The following PIN4 variants were observed in gnomAD, a reference collection of about 807,000 sequenced individuals.
PIN4 encodes peptidyl-prolyl cis-trans isomerase NIMA-interacting 4.
Under a neutral mutation model 8.3 loss-of-function variants are expected in PIN4, and 3 were observed. The observed-to-expected ratio is 0.36, with a 90% CI of 0.16 to 0.93. The LOEUF is 0.93. Among genes scored for constraint, PIN4 ranks in the 40% least tolerant of loss-of-function variants. The probability of loss-of-function intolerance (pLI) is 0.44; values close to 1 mark genes in which losing one functional copy is unlikely to be tolerated. For synonymous variants in PIN4, 18 were observed against 32.5 expected (o/e 0.55, Z 1.52); for missense variants, 75 against 100.6 (o/e 0.75, Z 1.09).
chrX:72,248,283 T>G, intron 3 of PIN4, among the ~76,000 whole-genome samples: 1 of 74,022 alleles, frequency 1.4e-5, no homozygotes, highest in African/African-American at 5.4e-5. Context: ...CATAGCTTGC[T>G]CCATCCAGAA....
intron 3 of PIN4, among the ~76,000 whole-genome samples, chrX:72,224,177 C>T (rs182725704): frequency 1.2e-4 from 13 of 111,550 alleles, no homozygotes; most frequent in Admixed American, 3.8e-4. Context: ...TCAGTATTAA[C>T]TGAATATCAA....
intron 3 of PIN4, chrX:72,207,826 GA>G: frequency 8.3e-7 from 1 of 1,207,593 alleles, no homozygotes; most frequent in South Asian, 1.8e-5. Flanking sequence ...TAAGTTTTCA[GA>G]TATTTTAAAT....
chrX:72,205,391 A>G, intron 3 of PIN4: 1 of 1,211,940 alleles, frequency 8.3e-7, no homozygotes, highest in Non-Finnish European at 1.1e-6. Flanking sequence ...TCTTCTGGAT[A>G]ATCTTCAGGA....
intron 3 of PIN4, among the ~76,000 whole-genome samples, chrX:72,235,341 C>T (rs1162518154): frequency 9.2e-6 from 1 of 108,479 alleles, no homozygotes; most frequent in African/African-American, 3.4e-5. Context: ...AGGTTGAATC[C>T]TTCTCACACT....
At chrX:72,243,333 AG>A (rs971692317) in intron 3 of PIN4, among the ~76,000 whole-genome samples, 13 of 111,569 alleles carry the variant, frequency 1.2e-4, no homozygotes, top group African/African-American at 3.9e-4. Context: ...AAACAAAAAA[AG>A]CTCTCCCTAA....
intron 3 of PIN4, among the ~76,000 whole-genome samples, chrX:72,259,380 G>A (rs1468243421): frequency 9.2e-6 from 1 of 109,124 alleles, no homozygotes; most frequent in Non-Finnish European, 1.9e-5. Context: ...CACCATGCCC[G>A]GCTAATTTTT....
At chrX:72,185,384 G>A (rs1469389688) in intron 1 of PIN4, among the ~76,000 whole-genome samples, 4 of 110,545 alleles carry the variant, frequency 3.6e-5, no homozygotes, top group African/African-American at 6.6e-5. Context: ...TGGCTAACCA[G>A]CTCCTACTCA....
At position 72,208,121 on chromosome X, in the gene PIN4, T is replaced by C. The variant is rs2042831275; in HGVS notation, c.312+11217T>C. ...TAGTCCCACACAAACTCTTGGCCCC[T>C]AAAGCTTGAAAGTTGCTGCCAGTTA... On this transcript the variant is annotated intron_variant, in intron 3 of 3. Coordinates refer to the PIN4 transcript ENST00000423432. 1.2e-5 allele frequency: 14 copies of C among 1,211,837 alleles called. No individual in the cohort carries two copies. The East Asian group carries it at 4.1e-4, about 36-fold the overall frequency.
Position 72,237,587 on chromosome X carries a change from G to C in PIN4, c.313-25120G>C, listed in dbSNP as rs1438453620. On this transcript the variant is annotated intron_variant, in intron 3 of 3. Transcript: ENST00000423432. ...CACTCCAGCCTGGGTGACAGAGCGA[G>C]ACTGTATCAAAAAAAGAAAAAAAAA... Among the ~76,000 whole-genome samples the C allele has an allele frequency of 3.0e-5, 3 of 99,631 alleles. No individual in the cohort carries two copies. The Admixed American group carries it at 3.3e-4, about 11-fold the overall frequency. The allele number at this position is 99,631 out of a possible 115,157, so 86.5% of individuals were successfully genotyped here.
chrX:72,224,873 C>T (rs766000692), intron 3 of PIN4, among the ~76,000 whole-genome samples: 23 of 111,266 alleles, frequency 2.1e-4, no homozygotes, highest in Non-Finnish European at 3.6e-4. Flanking sequence ...GGATCCTAAG[C>T]GCTACACAGT....
At chrX:72,210,539 C>G (rs2147585772) in intron 3 of PIN4, among the ~76,000 whole-genome samples, 1 of 111,602 alleles carries the variant, frequency 9.0e-6, no homozygotes, top group South Asian at 3.8e-4. Context: ...TGGTAACCTA[C>G]CCAGTATCCT....
At chrX:72,204,510 G>A (rs972473151) in intron 3 of PIN4, 2 of 112,694 alleles carry the variant, frequency 1.8e-5, no homozygotes, top group African/African-American at 6.5e-5. Context: ...TTCCTCACTT[G>A]TGGCATCATG....
chrX:72,196,267 G>A (rs1459217339), intron 2 of PIN4, among the ~76,000 whole-genome samples: 1 of 110,762 alleles, frequency 9.0e-6, no homozygotes, highest in Non-Finnish European at 1.9e-5. Context: ...CGTGAGCGGC[G>A]GCTCACGCCT....
At chrX:72,259,887 T>C (rs143495249) in intron 3 of PIN4, among the ~76,000 whole-genome samples, 7,833 of 108,293 alleles carry the variant, frequency 0.072, 484 homozygotes, top group East Asian at 0.48. Context: ...CTTGCCACCA[T>C]ACCTGGCTAA....
chrX:72,184,924 C>T (rs1026844532), intron 1 of PIN4, among the ~76,000 whole-genome samples: 5 of 109,152 alleles, frequency 4.6e-5, no homozygotes, highest in African/African-American at 1.0e-4. Context: ...TCGCAGATCA[C>T]GAGGTCAGGA....
At chrX:72,239,761 G>A (rs1224951262) in intron 3 of PIN4, among the ~76,000 whole-genome samples, 1 of 75,009 alleles carries the variant, frequency 1.3e-5, no homozygotes, top group Non-Finnish European at 2.4e-5. Flanking sequence ...GGCAAAGCGA[G>A]ACTCCATCTC....
intron 3 of PIN4, chrX:72,207,320 A>C (rs1425831962): frequency 1.7e-6 from 2 of 1,209,556 alleles, no homozygotes; most frequent in Non-Finnish European, 2.2e-6. Context: ...CTCGATTGAG[A>C]AAACACCAGA....
At chrX:72,230,700 C>T (rs961142053) in intron 3 of PIN4, among the ~76,000 whole-genome samples, 4 of 112,223 alleles carry the variant, frequency 3.6e-5, no homozygotes, top group Non-Finnish European at 5.6e-5. Flanking sequence ...TGGTGCTTCA[C>T]GCCTGTAATC....
intron 3 of PIN4, among the ~76,000 whole-genome samples, chrX:72,237,530 G>A (rs943587728): frequency 4.6e-5 from 5 of 109,469 alleles, no homozygotes; most frequent in African/African-American, 1.0e-4. Context: ...CCCGGAAGGC[G>A]GAGCTTGCTG....
Sources: gnomAD v4.1 joint callset for allele counts (sites outside exome capture counted in the v4.1 genomes callset) on GRCh38, gnomAD v4.1.1 for gene constraint, MANE v1.5 for transcripts, NCBI Gene and HGNC (gene_info 2026-07-23, HGNC 2026-07-21) for gene names.